EIF2AK4: variants seen among roughly 807,000 people sequenced by gnomAD.
EIF2AK4 encodes eukaryotic translation initiation factor 2 alpha kinase 4.
Under a neutral mutation model 211.1 loss-of-function variants are expected in EIF2AK4, and 139 were observed. The ratio of observed to expected loss-of-function variants is 0.66; its 90% CI spans 0.57 to 0.76. The LOEUF (loss-of-function observed/expected upper bound fraction) is 0.76. Among genes scored for constraint, EIF2AK4 ranks in the 30% least tolerant of loss-of-function variants. The pLI is 0.00. For synonymous variants in EIF2AK4, 710 were observed against 751.3 expected (o/e 0.94, Z 0.90); for missense variants, 1,664 against 2,043.8 (o/e 0.81, Z 3.58).
chr15:39,961,894 G>C lies in EIF2AK4; in HGVS notation c.854G>C (p.Cys285Ser). ...CAGCTCATGGTGCACAAAGGGAAATGTATTGGTGAGTAAACTAGCAAAATC... is the reference window on the plus strand; with the variant it reads ...CAGCTCATGGTGCACAAAGGGAAATCTATTGGTGAGTAAACTAGCAAAATC... ...PDQLMVHKGKCIGSDEQLGKL... is the reference protein window; with the variant it reads ...PDQLMVHKGKSIGSDEQLGKL... Residue 285 changes from cysteine (C) to serine (S), a missense_variant, in exon 7 of 39, where the codon TGT becomes TCT. Coordinates refer to ENST00000263791, the MANE Select transcript of EIF2AK4 (RefSeq NM_001013703.4). 1 of 1,607,794 alleles carries C rather than the reference G, an allele frequency of 6.2e-7. No individual in the cohort carries two copies. Among genetic ancestry groups the C allele is most frequent in the Non-Finnish European group, 8.5e-7 (1 of 1,177,098 alleles).
At chr15:40,020,038 G>A (rs1481463122) in intron 30 of EIF2AK4, among the ~76,000 whole-genome samples, 2 of 151,968 alleles carry the variant, frequency 1.3e-5, no homozygotes, top group Non-Finnish European at 2.9e-5. Context: ...AATTAGCCAT[G>A]CACCTGTAGT....
intron 2 of EIF2AK4, among the ~76,000 whole-genome samples, chr15:39,940,029 C>A (rs1303230050): frequency 6.6e-6 from 1 of 152,172 alleles, no homozygotes; most frequent in Non-Finnish European, 1.5e-5. Flanking sequence ...CTTTCACTGC[C>A]TAGAGTGAGG....
intron 1 of EIF2AK4, among the ~76,000 whole-genome samples, chr15:39,936,569 C>T (rs373630770): frequency 6.6e-6 from 1 of 152,146 alleles, no homozygotes; most frequent in African/African-American, 2.4e-5. Context: ...CCCGCCTCCA[C>T]ACCTGGCTAA....
At chr15:39,934,646 A>G (rs559107320) in intron 1 of EIF2AK4, among the ~76,000 whole-genome samples, 5 of 152,118 alleles carry the variant, frequency 3.3e-5, no homozygotes, top group Admixed American at 2.6e-4. Context: ...CCTCCTTCCA[A>G]CCTTGTCCTT....
chr15:40,001,536 A>G (rs1192719739), intron 21 of EIF2AK4, among the ~76,000 whole-genome samples: 1 of 149,442 alleles, frequency 6.7e-6, no homozygotes, highest in Non-Finnish European at 1.5e-5. Flanking sequence ...AGGCTGAGGC[A>G]GGAGAATCGC....
At chr15:39,943,215 G>A (rs779165274) in intron 2 of EIF2AK4, among the ~76,000 whole-genome samples, 168 bp from the exon 3 acceptor site, 1 of 152,198 alleles carries the variant, frequency 6.6e-6, no homozygotes, top group Non-Finnish European at 1.5e-5. Flanking sequence ...CTTCCCTGTA[G>A]GACGCAGGTG....
Position 39,943,369 on chromosome 15 carries a change from TTTGCC to T in EIF2AK4, c.258-11_258-7del. On this transcript the variant is annotated splice_polypyrimidine_tract_variant and intron_variant, in intron 2 of 38. Transcript: ENST00000263791. Reference sequence around the variant, plus strand: ...AGTAACTCTTTTTTTTTTTTTTTTTTTTGCCTTTTCCAGAGTTCCTGAAATAGAGT... The same window carrying T: ...AGTAACTCTTTTTTTTTTTTTTTTTTTTTTCCAGAGTTCCTGAAATAGAGT... The T allele has an allele frequency of 7.8e-6, 11 of 1,405,194 alleles. No homozygotes were observed. Among genetic ancestry groups the T allele is most frequent in the Admixed American group, 2.6e-5 (1 of 38,730 alleles). The allele number at this position is 1,405,194 out of a possible 1,614,324, so 87.0% of individuals were successfully genotyped here. A position where few individuals can be genotyped will look rare whatever the true frequency, so the allele number is the denominator to read the frequency against.
At position 40,023,855 on chromosome 15, in the gene EIF2AK4, G is replaced by A. The variant is rs1316282607; in HGVS notation, c.4389+1250G>A. ...GTTTATTCTTTTTTTAGTTTCTTCA[G>A]GTAGAACTTTAGATGAGGTATTGAC... On this transcript the variant is annotated intron_variant, in intron 32 of 38. Transcript: ENST00000263791. 3.3e-5 allele frequency among the ~76,000 whole-genome samples: 5 copies of A among 152,056 alleles called. No homozygotes were observed. The East Asian group carries it at 7.7e-4, about 23-fold the overall frequency.
chr15:39,972,823 A>G, intron 9 of EIF2AK4, 85 bp from the exon 10 acceptor site: 2 of 1,049,126 alleles, frequency 1.9e-6, no homozygotes, highest in Non-Finnish European at 2.9e-6. Flanking sequence ...ATCTTTAAAA[A>G]ATAAACCCAT....
At position 40,032,214 on chromosome 15, in the gene EIF2AK4, A is replaced by G; in HGVS notation, c.4705A>G (p.Ser1569Gly). The G allele has an allele frequency of 6.2e-7, 1 of 1,614,200 alleles. No individual in the cohort carries two copies. Among genetic ancestry groups the G allele is most frequent in the Non-Finnish European group, 8.5e-7 (1 of 1,180,012 alleles). ...CTCCCTTGCCAACTTACATCAGAAA[A>G]GCAGTGAAATTGAAATTCTGGCTGT... Reference protein sequence around the residue: ...QTSLANLHQKSSEIEILAVDL... With the variant: ...QTSLANLHQKGSEIEILAVDL... The change falls in exon 36 of 39, where the codon AGC becomes GGC. Residue 1569 changes from serine (S) to glycine (G), a missense_variant. Physicochemically the swap from Ser to Gly is moderately conservative, Grantham distance 56. Coordinates refer to ENST00000263791, the MANE Select transcript of EIF2AK4 (RefSeq NM_001013703.4).
At chr15:39,983,756 T>C (rs2034826994) in intron 13 of EIF2AK4, among the ~76,000 whole-genome samples, 1 of 152,236 alleles carries the variant, frequency 6.6e-6, no homozygotes, top group Admixed American at 6.5e-5. Context: ...TATTAGCCCT[T>C]TGTCAGATGG....
intron 31 of EIF2AK4, chr15:40,022,181 C>CGT (rs142104639): frequency 0.061 from 8,395 of 137,642 alleles, 282 homozygotes; most frequent in Non-Finnish European, 0.069. Flanking sequence ...GCTTTTTCAG[C>CGT]GTGTGTGTGT....
chr15:40,020,037 T>TGCA (rs1350771904), intron 30 of EIF2AK4, among the ~76,000 whole-genome samples: 5 of 152,018 alleles, frequency 3.3e-5, no homozygotes, highest in African/African-American at 1.2e-4. Flanking sequence ...TAATTAGCCA[T>TGCA]GCACCTGTAG....
chr15:39,986,880 C>A (rs28536625), intron 14 of EIF2AK4, among the ~76,000 whole-genome samples: 12,427 of 151,862 alleles, frequency 0.082, 895 homozygotes, highest in East Asian at 0.22. Context: ...ACAACAACAA[C>A]AAAAACAAAG....
intron 16 of EIF2AK4, among the ~76,000 whole-genome samples, chr15:39,990,681 G>T (rs1224808162): frequency 6.6e-6 from 1 of 152,206 alleles, no homozygotes; most frequent in Non-Finnish European, 1.5e-5. Flanking sequence ...CTGGCACTGG[G>T]CTAGATGCTT....
rs913851324 is a variant in EIF2AK4 at position 39,934,215 on chromosome 15, C to T, written c.20C>T (p.Ala7Val). 13 of 1,580,610 alleles carry T rather than the reference C, an allele frequency of 8.2e-6. No individual in the cohort carries two copies. Among genetic ancestry groups the T allele is most frequent in the South Asian group, 1.1e-5 (1 of 87,844 alleles). The part of the protein sequence containing the change: MAGGRG[A>V]PGRGRDEPPE... ...GCTGCCATGGCTGGGGGCCGTGGGGCCCCCGGGCGCGGCCGGGACGAGCCT... is the reference window on the plus strand; with the variant it reads ...GCTGCCATGGCTGGGGGCCGTGGGGTCCCCGGGCGCGGCCGGGACGAGCCT... Residue 7 changes from alanine (A) to valine (V), a missense_variant, in exon 1 of 39, where the codon GCC becomes GTC. This residue lies in a region of EIF2AK4 where 641 missense variants were observed against 729.6 expected (regional missense o/e 0.88). Coordinates refer to ENST00000263791, the MANE Select transcript of EIF2AK4 (RefSeq NM_001013703.4).
In EIF2AK4 at chr15:39,988,592, G is replaced by T. The variant is rs116866995; in HGVS notation, c.2526+487G>T. ...AGCAGATTTGAGTAGTTGCAACAGG[G>T]ACTGTAAAGCCTAAAGTATTCACTC... On this transcript the variant is annotated intron_variant, in intron 15 of 38. Transcript: ENST00000263791. Among the ~76,000 whole-genome samples, 353 of 152,312 alleles carry T rather than the reference G, an allele frequency of 2.3e-3. 5 individuals are homozygous for T. Among genetic ancestry groups the T allele is most frequent in the Admixed American group, 0.016 (252 of 15,300 alleles).
At chr15:39,991,621 G>C (rs1019582130) in intron 16 of EIF2AK4, 1 of 152,930 alleles carries the variant, frequency 6.5e-6, no homozygotes, top group African/African-American at 2.4e-5. Flanking sequence ...TGATGGTGAT[G>C]CTTGTAATGG....
intron 3 of EIF2AK4, among the ~76,000 whole-genome samples, chr15:39,948,395 G>A (rs2034258868): frequency 6.6e-6 from 1 of 152,194 alleles, no homozygotes; most frequent in Non-Finnish European, 1.5e-5. Flanking sequence ...ACCAGTCAGG[G>A]AGGGTCTCAG....
Sources: gnomAD v4.1 joint callset for allele counts (sites outside exome capture counted in the v4.1 genomes callset) on GRCh38, gnomAD v4.1.1 for gene constraint, gnomAD v4.1.1 regional missense constraint, MANE v1.5 for transcripts, NCBI Gene and HGNC (gene_info 2026-07-23, HGNC 2026-07-21) for gene names.